VAV1: variants seen among roughly 807,000 people sequenced by gnomAD.
The protein encoded by VAV1 is vav guanine nucleotide exchange factor 1, also known as proto-oncogene vav.
A neutral mutation model predicts 128.1 loss-of-function variants in VAV1; 33 were observed. The ratio of observed to expected loss-of-function variants is 0.26; its 90% CI spans 0.20 to 0.34. VAV1 has a LOEUF of 0.34. Among genes scored for constraint, VAV1 ranks in the 10% least tolerant of loss-of-function variants. The pLI is 1.00. For missense variants in VAV1, 715 were observed against 1,093.7 expected, an observed-to-expected ratio of 0.65 and a Z score of 4.88; for synonymous variants, 394 against 409.8, an observed-to-expected ratio of 0.96 and a Z score of 0.47.
At position 6,772,915 on chromosome 19, in the gene VAV1, C is replaced by A; in HGVS notation, c.108C>A (p.Ala36=). Reference sequence around the variant, plus strand: ...CTCAGGTGTGTGAACTGGCCCAGGCCCTCCGGGATGGTGTCCTTCTGTGTC... The same window carrying A: ...CTCAGGTGTGTGAACTGGCCCAGGCACTCCGGGATGGTGTCCTTCTGTGTC... ...DGAQVCELAQ[A]LRDGVLLCQL... is the part of the protein sequence containing the mutation. The change falls in exon 1 of 27, where the codon GCC becomes GCA. Residue 36 remains alanine (A), a synonymous_variant. Transcript: ENST00000602142. This position sits in a 1 kb window ranked among gnomAD's most constrained non-coding sequence, Gnocchi z 4.8. 6.2e-7 allele frequency: 1 copy of A among 1,614,058 alleles called. No homozygotes were observed.
At chr19:6,854,812 G>A (rs576586334) in intron 26 of VAV1, among the ~76,000 whole-genome samples, 25 of 152,320 alleles carry the variant, frequency 1.6e-4, no homozygotes, top group Non-Finnish European at 2.6e-4. Flanking sequence ...GGATCAGGAT[G>A]ACTTCTGAAA....
At position 6,852,347 on chromosome 19, in the gene VAV1, G is replaced by T. The variant is rs545773979; in HGVS notation, c.2218-618G>T. 2.0e-5 allele frequency among the ~76,000 whole-genome samples: 3 copies of T among 152,312 alleles called. No homozygotes were observed. In the East Asian group the frequency reaches 5.8e-4, roughly 29 times the overall value. On this transcript the variant is annotated intron_variant, in intron 24 of 26. Coordinates refer to ENST00000602142, the MANE Select transcript of VAV1 (RefSeq NM_005428.4). Reference sequence around the variant, plus strand: ...GATTGCTAATTGTAAATTAAGGCATGTGGCCCCATAGAAGGTTTTGAATTT... The same window carrying T: ...GATTGCTAATTGTAAATTAAGGCATTTGGCCCCATAGAAGGTTTTGAATTT...
chr19:6,834,805 G>A (rs1266980489), intron 19 of VAV1, among the ~76,000 whole-genome samples: 4 of 150,500 alleles, frequency 2.7e-5, no homozygotes, highest in Non-Finnish European at 5.9e-5. Flanking sequence ...CCATTTATAT[G>A]ACATATAAAT....
In VAV1 at chr19:6,822,857, T is replaced by TATAAAA. The variant is rs1394183125; in HGVS notation, c.654+347_654+352dup. On this transcript the variant is annotated intron_variant, in intron 6 of 26. Transcript: ENST00000602142. The surrounding 1 kb of genome is among the most constrained non-coding windows in gnomAD (Gnocchi z 5.9). ...AATATATAAATATATACAAAGTATA[T>TATAAAA]ATAAAAATATAAACATATAATATGT... Among the ~76,000 whole-genome samples, 11 of 147,102 alleles carry TATAAAA rather than the reference T, an allele frequency of 7.5e-5. No homozygotes were observed. In the Admixed American group the frequency reaches 7.5e-4, roughly 10 times the overall value.
At chr19:6,773,153 G>A (rs577744714) in intron 1 of VAV1, 142 bp downstream of exon 1, 4 of 1,152,922 alleles carry the variant, frequency 3.5e-6, no homozygotes, top group East Asian at 2.5e-5. Context: ...GCTGGCCCAG[G>A]GGGTGGTCAC....
intron 6 of VAV1, among the ~76,000 whole-genome samples, chr19:6,823,412 A>T (rs984398954): frequency 5.3e-5 from 8 of 151,502 alleles, no homozygotes; most frequent in Non-Finnish European, 1.0e-4. Flanking sequence ...GGCATGAGCC[A>T]CTGTGCCTGG....
At chr19:6,786,242 T>G (rs919738151) in intron 1 of VAV1, among the ~76,000 whole-genome samples, 2 of 152,212 alleles carry the variant, frequency 1.3e-5, no homozygotes, top group Non-Finnish European at 2.9e-5. Flanking sequence ...TATATGATTC[T>G]AATTGCTTCA....
chr19:6,834,616 TATTA>T (rs976375985), intron 19 of VAV1, among the ~76,000 whole-genome samples: 14 of 146,490 alleles, frequency 9.6e-5, no homozygotes, highest in African/African-American at 2.2e-4. Flanking sequence ...AATATATTAA[TATTA>T]ATTAATATAA....
intron 1 of VAV1, among the ~76,000 whole-genome samples, chr19:6,814,819 T>C (rs1971610838): frequency 6.6e-6 from 1 of 151,404 alleles, no homozygotes; most frequent in South Asian, 2.1e-4. Flanking sequence ...TTCCGTTGCG[T>C]AGTTCTGATT....
chr19:6,814,635 C>CCT (rs1971581552), intron 1 of VAV1, among the ~76,000 whole-genome samples: 11 of 140,032 alleles, frequency 7.9e-5, no homozygotes, highest in African/African-American at 3.0e-4. Flanking sequence ...TCTTTTCTTT[C>CCT]TCTCCTTCCT....
chr19:6,802,243 T>A (rs1971291826), intron 1 of VAV1, among the ~76,000 whole-genome samples: 1 of 151,852 alleles, frequency 6.6e-6, no homozygotes, highest in African/African-American at 2.4e-5. Context: ...TAATGCTAAA[T>A]GAGGAGTTAA....
chr19:6,835,292 A>G (rs939443403), intron 19 of VAV1, among the ~76,000 whole-genome samples: 2 of 152,002 alleles, frequency 1.3e-5, no homozygotes, highest in Non-Finnish European at 1.5e-5. Context: ...GGTATGTAAA[A>G]ATCAATAAAT....
chr19:6,779,088 G>A (rs1970708319), intron 1 of VAV1, among the ~76,000 whole-genome samples: 1 of 142,574 alleles, frequency 7.0e-6, no homozygotes, highest in South Asian at 2.2e-4. Flanking sequence ...GTCTCAATCT[G>A]TCACCCAAGC....
At position 6,857,154 on chromosome 19, in the gene VAV1, C is replaced by T. The variant is rs779845211; in HGVS notation, c.*47C>T. On this transcript the variant is annotated 3_prime_UTR_variant, in exon 27 of 27. Coordinates refer to ENST00000602142, the MANE Select transcript of VAV1 (RefSeq NM_005428.4). The stretch of plus-strand genomic sequence containing the variant: ...GACGAGAAACTCCAGGCTCTGAGCC[C>T]GGCGTGGGCAGGCAGCGGAGCCAGG... 1.6e-5 allele frequency: 26 copies of T among 1,612,158 alleles called. No homozygotes were observed. Among genetic ancestry groups the T allele is most frequent in the African/African-American group, 1.1e-4 (8 of 74,886 alleles).
At position 6,820,911 on chromosome 19, in the gene VAV1, A is replaced by G; in HGVS notation, c.321+93A>G. On this transcript the variant is annotated intron_variant, in intron 2 of 26. Coordinates refer to ENST00000602142, the MANE Select transcript of VAV1 (RefSeq NM_005428.4). This position sits in a 1 kb window ranked among gnomAD's most constrained non-coding sequence, Gnocchi z 4.4. ...AGCTAAGGACTGTCAGGGGACAGGCAGACAAGCCAGACCAGGCCATATACA... is the reference window on the plus strand; with the variant it reads ...AGCTAAGGACTGTCAGGGGACAGGCGGACAAGCCAGACCAGGCCATATACA... The G allele has an allele frequency of 8.3e-7, 1 of 1,198,216 alleles. No homozygotes were observed. The highest frequency in any genetic ancestry group is 1.2e-6 in the Non-Finnish European group (1 of 812,016). 74.2% of individuals were successfully genotyped at this position (1,198,216 alleles called of 1,614,324 possible).
At chr19:6,848,528 G>A (rs555269354) in intron 23 of VAV1, among the ~76,000 whole-genome samples, 5 of 148,584 alleles carry the variant, frequency 3.4e-5, no homozygotes, top group African/African-American at 5.0e-5. Flanking sequence ...TCAGACCCCC[G>A]AGTAGCTGGG....
intron 15 of VAV1, among the ~76,000 whole-genome samples, chr19:6,832,559 C>CCCTT: frequency 7.7e-6 from 1 of 129,768 alleles, no homozygotes; most frequent in East Asian, 3.3e-4. Context: ...TCCTCCTCCT[C>CCCTT]TCCTTCCTCC....
chr19:6,798,664 C>CCG (rs1971194734), intron 1 of VAV1, among the ~76,000 whole-genome samples: 1 of 151,306 alleles, frequency 6.6e-6, no homozygotes, highest in African/African-American at 2.4e-5. Flanking sequence ...CCCCTTCCCC[C>CCG]CCCCACCCAA....
chr19:6,776,045 TATCC>T (rs1402252873), intron 1 of VAV1, among the ~76,000 whole-genome samples: 1 of 150,442 alleles, frequency 6.6e-6, no homozygotes, highest in Non-Finnish European at 1.5e-5. Flanking sequence ...TCCCTCCAAT[TATCC>T]ATCCATCTAC....
Sources: gnomAD v4.1 joint callset for allele counts (sites outside exome capture counted in the v4.1 genomes callset) on GRCh38, gnomAD v4.1.1 for gene constraint, Gnocchi (gnomAD v3.1) non-coding constraint, MANE v1.5 for transcripts, NCBI Gene and HGNC (gene_info 2026-07-23, HGNC 2026-07-21) for gene names.